The following RBFOX1 variants were observed in gnomAD, a reference collection of about 807,000 sequenced individuals.
RBFOX1 encodes RNA binding fox-1 homolog 1.
Under a neutral mutation model 57.7 loss-of-function variants are expected in RBFOX1, and 8 were observed. The ratio of observed to expected loss-of-function variants is 0.14; its 90% confidence interval spans 0.08 to 0.25. The LOEUF is 0.25. Among genes scored for constraint, RBFOX1 ranks in the 10% least tolerant of loss-of-function variants. The pLI, the probability that RBFOX1 is intolerant of heterozygous loss-of-function variation, is 1.00. For missense variants in RBFOX1, 611 were observed against 548.5 expected (o/e 1.11, Z -1.14); for synonymous variants, 326 against 222.4 (o/e 1.47, Z -4.15).
intron 4 of RBFOX1, among the ~76,000 whole-genome samples, chr16:7,339,210 A>T (rs1410423601): frequency 6.6e-6 from 1 of 152,146 alleles, no homozygotes; most frequent in East Asian, 1.9e-4. Flanking sequence ...CTAGCTTGCA[A>T]AGTCACTGTG....
At chr16:7,090,700 C>G (rs1599196464) in intron 4 of RBFOX1, among the ~76,000 whole-genome samples, 1 of 152,172 alleles carries the variant, frequency 6.6e-6, no homozygotes, top group East Asian at 1.9e-4. Context: ...GTTGAGTTCT[C>G]TGCAACCATT....
At chr16:7,503,318 A>G (rs755040811) in intron 4 of RBFOX1, among the ~76,000 whole-genome samples, 3 of 152,190 alleles carry the variant, frequency 2.0e-5, no homozygotes, top group African/African-American at 2.4e-5. Context: ...CTTTGTATGT[A>G]TAAGGACTTC....
rs2096897201 is a variant in RBFOX1 at position 6,163,895 on chromosome 16, G to C, written c.-127+143903G>C. On this transcript the variant is annotated intron_variant, in intron 1 of 15. Transcript: ENST00000550418. ...GTCCAATTCTTGGTTGTCAGACGTT[G>C]CCTCTGTGTTTTCTTATTGAGTATA... 2.0e-5 allele frequency among the ~76,000 whole-genome samples: 3 copies of C among 152,224 alleles called. No individual in the cohort carries two copies. The South Asian group carries it at 6.2e-4, about 32-fold the overall frequency.
intron 1 of RBFOX1, among the ~76,000 whole-genome samples, chr16:6,091,637 C>G (rs2096176083): frequency 2.0e-5 from 3 of 152,192 alleles, no homozygotes; most frequent in East Asian, 3.9e-4. Context: ...CGAGACCAGC[C>G]TGGCCAACAT....
intron 1 of RBFOX1, among the ~76,000 whole-genome samples, chr16:6,189,686 C>G (rs2097129843): frequency 6.6e-6 from 1 of 152,210 alleles, no homozygotes; most frequent in Non-Finnish European, 1.5e-5. Flanking sequence ...CCTGTTGTCT[C>G]TCTCCAGTTG....
intron 4 of RBFOX1, among the ~76,000 whole-genome samples, chr16:7,208,018 C>G (rs543890083): frequency 4.6e-5 from 7 of 152,090 alleles, no homozygotes; most frequent in Non-Finnish European, 7.4e-5. Flanking sequence ...TCACTGAAAC[C>G]GGCGCATGGT....
chr16:5,742,512 G>A (rs1242554617), intron 3 of RBFOX1, among the ~76,000 whole-genome samples: 1 of 152,158 alleles, frequency 6.6e-6, no homozygotes. Flanking sequence ...TGTCAAAGGA[G>A]AGAAACAAGC....
chr16:6,955,697 T>G (rs191523867), intron 3 of RBFOX1, among the ~76,000 whole-genome samples: 13 of 151,128 alleles, frequency 8.6e-5, no homozygotes, highest in African/African-American at 2.5e-4. Flanking sequence ...ATGTATTTAT[T>G]TATTTATTTA....
At chr16:6,238,858 G>A (rs1317690196) in intron 1 of RBFOX1, among the ~76,000 whole-genome samples, 2 of 152,126 alleles carry the variant, frequency 1.3e-5, no homozygotes, top group Admixed American at 6.5e-5. Context: ...CACGGAGAAT[G>A]TGGTCTCCAT....
chr16:7,043,851 T>G (rs551802271), intron 3 of RBFOX1, among the ~76,000 whole-genome samples: 1 of 152,372 alleles, frequency 6.6e-6, no homozygotes, highest in South Asian at 2.1e-4. Flanking sequence ...CTCACTGAGC[T>G]TTCCACACAT....
At chr16:6,460,532 A>G (rs1330448771) in intron 2 of RBFOX1, among the ~76,000 whole-genome samples, 2 of 152,200 alleles carry the variant, frequency 1.3e-5, no homozygotes, top group Non-Finnish European at 2.9e-5. Flanking sequence ...GATGCAAATC[A>G]AAACCACAAT....
At position 5,273,748 on chromosome 16, in the gene RBFOX1, G is replaced by A. The variant is rs550060516; in HGVS notation, c.219+33643G>A. Among the ~76,000 whole-genome samples, 186 of 152,270 alleles carry A rather than the reference G, an allele frequency of 1.2e-3. 1 individual carries two copies. The highest frequency in any genetic ancestry group is 4.3e-3 in the African/African-American group (179 of 41,564). The stretch of plus-strand genomic sequence containing the variant: ...GGAATGATGCTGTGAGGAGGGTCTT[G>A]ATATAGCAGATGGCCCAAAAAAGGC... On this transcript the variant is annotated intron_variant, in intron 1 of 2. Transcript: ENST00000585867.
chr16:7,452,018 C>G (rs959161971), intron 4 of RBFOX1, among the ~76,000 whole-genome samples: 1 of 152,194 alleles, frequency 6.6e-6, no homozygotes, highest in Non-Finnish European at 1.5e-5. Context: ...GAGAAAGATT[C>G]TTATTCCATG....
chr16:7,222,057 A>T (rs998598441), intron 4 of RBFOX1, among the ~76,000 whole-genome samples: 4 of 152,210 alleles, frequency 2.6e-5, no homozygotes, highest in African/African-American at 9.7e-5. Flanking sequence ...GAAGACACAA[A>T]GCTAAGTTTT....
intron 3 of RBFOX1, among the ~76,000 whole-genome samples, chr16:5,663,555 C>T (rs2049728057): frequency 6.6e-6 from 1 of 152,122 alleles, no homozygotes; most frequent in South Asian, 2.1e-4. Context: ...AAGCAGTGAC[C>T]AGTTGTTGAG....
chr16:5,333,954 T>G (rs1383989927), intron 1 of RBFOX1, among the ~76,000 whole-genome samples: 1 of 152,198 alleles, frequency 6.6e-6, no homozygotes, highest in Non-Finnish European at 1.5e-5. Context: ...TACATGACTT[T>G]GTAAGAGTTA....
intron 4 of RBFOX1, among the ~76,000 whole-genome samples, chr16:7,297,195 C>T (rs559363648): frequency 2.0e-5 from 3 of 151,936 alleles, no homozygotes; most frequent in Non-Finnish European, 4.4e-5. Flanking sequence ...CTTGTAGGAA[C>T]AAAAAAGGAC....
Position 5,821,899 on chromosome 16 carries a change from C to T in RBFOX1, c.319-45404C>T, listed in dbSNP as rs550830710. On this transcript the variant is annotated intron_variant, in intron 3 of 19. Transcript: ENST00000641259. ...GCCCTTTTATAAGGCACGGAGCCTT[C>T]ATGGCCTGATCACCTCCTAAAGACC... Among the ~76,000 whole-genome samples the T allele has an allele frequency of 4.9e-3, 743 of 152,322 alleles. 5 individuals are homozygous for T. Among genetic ancestry groups the T allele is most frequent in the Non-Finnish European group, 6.1e-3 (413 of 68,026 alleles).
chr16:5,581,166 T>G (rs1351748577), intron 2 of RBFOX1, among the ~76,000 whole-genome samples: 14 of 152,134 alleles, frequency 9.2e-5, no homozygotes, highest in African/African-American at 1.9e-4. Context: ...CCTATGTGCA[T>G]TTTTTTTTCT....
Sources: allele counts gnomAD v4.1 joint callset (sites outside exome capture counted in the v4.1 genomes callset), GRCh38; gene constraint gnomAD v4.1.1; transcripts MANE v1.5; gene names NCBI Gene and HGNC (gene_info 2026-07-23, HGNC 2026-07-21).